The following KDM4B variants were observed in gnomAD, a reference collection of about 807,000 sequenced individuals.
KDM4B encodes the protein lysine demethylase 4B.
In KDM4B, 32 loss-of-function variants were observed where a neutral mutation model predicts 125.2. That is an observed-to-expected ratio of 0.26 (90% CI 0.19 to 0.34). The LOEUF is 0.34. Among genes scored for constraint, KDM4B ranks in the 10% least tolerant of loss-of-function variants. KDM4B has a pLI of 1.00. For missense variants in KDM4B, 1,190 were observed against 1,577.7 expected, an observed-to-expected ratio of 0.75 and a Z score of 4.16; for synonymous variants, 721 against 677.9, an observed-to-expected ratio of 1.06 and a Z score of -0.99.
chr19:4,985,318 C>T (rs189879277), intron 1 of KDM4B, among the ~76,000 whole-genome samples: 163 of 152,192 alleles, frequency 1.1e-3, no homozygotes, highest in African/African-American at 3.8e-3. Flanking sequence ...AGCGAGACTC[C>T]GTCTCTTAAA....
Position 4,989,703 on chromosome 19 carries a change from A to T in KDM4B, c.-109+20473A>T, listed in dbSNP as rs564240326. Among the ~76,000 whole-genome samples the T allele has an allele frequency of 6.6e-5, 10 of 151,206 alleles. No homozygotes were observed. The South Asian group carries it at 2.1e-3, about 32-fold the overall frequency. ...AGTTTCACTTTGTTGTCCAGGCTGG[A>T]GTGCAAGGGCACGATTTTGGCTCAC... On this transcript the variant is annotated intron_variant, in intron 1 of 22. Coordinates refer to ENST00000159111, the MANE Select transcript of KDM4B (RefSeq NM_015015.3).
intron 8 of KDM4B, among the ~76,000 whole-genome samples, chr19:5,080,303 T>C (rs938060203): frequency 3.9e-5 from 6 of 152,192 alleles, no homozygotes; most frequent in Non-Finnish European, 8.8e-5. Flanking sequence ...GCGACTTCAG[T>C]GTATCCAGCA....
chr19:5,145,734 C>T (rs924620678), intron 21 of KDM4B, among the ~76,000 whole-genome samples: 9 of 152,148 alleles, frequency 5.9e-5, no homozygotes, highest in East Asian at 1.9e-4. Flanking sequence ...CGGGAGGAGG[C>T]GACAGCTTGT....
chr19:5,087,977 C>T (rs1001315653), intron 9 of KDM4B, among the ~76,000 whole-genome samples: 4 of 152,190 alleles, frequency 2.6e-5, no homozygotes, highest in African/African-American at 9.7e-5. Context: ...AGGAATCTCA[C>T]GTCTTTCGGG....
At chr19:5,087,419 T>TC (rs776225883) in intron 9 of KDM4B, among the ~76,000 whole-genome samples, 1 of 152,080 alleles carries the variant, frequency 6.6e-6, no homozygotes, top group East Asian at 1.9e-4. Context: ...ATGGACCTGC[T>TC]CCCCTCGGGG....
At chr19:5,133,648 G>C (rs1032909833) in intron 13 of KDM4B, among the ~76,000 whole-genome samples, 1 of 152,190 alleles carries the variant, frequency 6.6e-6, no homozygotes, top group South Asian at 2.1e-4. Flanking sequence ...GCAGTCAGCC[G>C]AGACAGACGT....
chr19:5,146,628 GT>G (rs1414547473), intron 21 of KDM4B, among the ~76,000 whole-genome samples: 15 of 152,086 alleles, frequency 9.9e-5, no homozygotes, highest in Admixed American at 7.2e-4. Flanking sequence ...CTTCTCTCAG[GT>G]TATGAGTTTC....
At chr19:5,146,481 T>TG (rs1466251348) in intron 21 of KDM4B, among the ~76,000 whole-genome samples, 1 of 152,174 alleles carries the variant, frequency 6.6e-6, no homozygotes, top group Admixed American at 6.5e-5. Flanking sequence ...CAGCCTTCCC[T>TG]GGGGGGAGGC....
At chr19:5,018,811 A>G (rs2035970344) in intron 2 of KDM4B, among the ~76,000 whole-genome samples, 1 of 152,162 alleles carries the variant, frequency 6.6e-6, no homozygotes, top group Non-Finnish European at 1.5e-5. Flanking sequence ...GGGATCGCGC[A>G]CTGTGTGGCC....
intron 21 of KDM4B, 28 bp from the exon 22 acceptor site, chr19:5,150,330 G>A (rs1347556864): frequency 4.5e-6 from 7 of 1,541,294 alleles, no homozygotes; most frequent in Non-Finnish European, 5.3e-6. Flanking sequence ...GGCAGTGCCA[G>A]GCCCCTGAGA....
At chr19:4,976,409 A>G (rs1371534312) in intron 1 of KDM4B, among the ~76,000 whole-genome samples, 4 of 152,104 alleles carry the variant, frequency 2.6e-5, no homozygotes, top group South Asian at 2.1e-4. Flanking sequence ...TCGCTGTTTG[A>G]GACGCCAGAC....
chr19:5,025,931 G>A (rs2036263902), intron 2 of KDM4B, among the ~76,000 whole-genome samples: 1 of 151,970 alleles, frequency 6.6e-6, no homozygotes, highest in African/African-American at 2.4e-5. Flanking sequence ...TGCCCAGGCT[G>A]GAGTGCAATG....
intron 1 of KDM4B, among the ~76,000 whole-genome samples, chr19:4,972,669 T>G (rs1331995778): frequency 6.6e-6 from 1 of 152,154 alleles, no homozygotes; most frequent in Non-Finnish European, 1.5e-5. Flanking sequence ...CCTTCAGCCC[T>G]GCAGTAGCTC....
intron 5 of KDM4B, among the ~76,000 whole-genome samples, chr19:5,044,095 T>G: frequency 1.8e-5 from 1 of 54,672 alleles, no homozygotes; most frequent in African/African-American, 7.8e-5. Flanking sequence ...GGAGTGGGGG[T>G]GTCCACCTTA....
chr19:5,015,573 G>A (rs973086630), intron 1 of KDM4B, among the ~76,000 whole-genome samples: 10 of 152,192 alleles, frequency 6.6e-5, no homozygotes, highest in Admixed American at 2.0e-4. Context: ...GATATTGGCC[G>A]GCGTGGTGGC....
At position 5,142,033 on chromosome 19, in the gene KDM4B, G is replaced by C. The variant is rs1332440186; in HGVS notation, c.2551-1934G>C. Among the ~76,000 whole-genome samples, 2 of 152,216 alleles carry C rather than the reference G, an allele frequency of 1.3e-5. No individual in the cohort carries two copies. The highest frequency in any genetic ancestry group is 4.8e-5 in the African/African-American group (2 of 41,452). On this transcript the variant is annotated intron_variant, in intron 18 of 22. Coordinates refer to ENST00000159111, the MANE Select transcript of KDM4B (RefSeq NM_015015.3). This position sits in a 1 kb window ranked among gnomAD's most constrained non-coding sequence, Gnocchi z 5.4. ...GTTGGTGGACAGCCACTGCGCCTCA[G>C]TGTGTGACAGGCTGAGGACACAGCT... is the stretch of plus-strand genomic sequence containing the variant.
At chr19:5,048,011 G>A (rs1041830672) in intron 6 of KDM4B, among the ~76,000 whole-genome samples, 8 of 152,230 alleles carry the variant, frequency 5.3e-5, no homozygotes, top group African/African-American at 1.9e-4. Flanking sequence ...TCACAGCCAA[G>A]TGGAGACGTT....
intron 1 of KDM4B, among the ~76,000 whole-genome samples, chr19:4,993,901 T>C (rs1195049911): frequency 6.6e-6 from 1 of 152,174 alleles, no homozygotes; most frequent in Admixed American, 6.6e-5. Flanking sequence ...CATGAGTCAT[T>C]ATACCACACC....
At chr19:5,093,809 C>T (rs1229817402) in intron 9 of KDM4B, among the ~76,000 whole-genome samples, 1 of 152,180 alleles carries the variant, frequency 6.6e-6, no homozygotes, top group South Asian at 2.1e-4. Context: ...TGGATGAGGC[C>T]ATCGAGGTCC....
Sources: allele counts gnomAD v4.1 joint callset (sites outside exome capture counted in the v4.1 genomes callset), GRCh38; gene constraint gnomAD v4.1.1; non-coding constraint Gnocchi (gnomAD v3.1); transcripts MANE v1.5; gene names NCBI Gene and HGNC (gene_info 2026-07-23, HGNC 2026-07-21).